Variants in GNG4 observed in about 807,000 individuals in gnomAD.
The protein encoded by GNG4 is guanine nucleotide-binding protein G(I)/G(S)/G(O) subunit gamma-4.
GNG4 carries 4 observed loss-of-function variants against 5.8 expected under a neutral mutation model. That is an observed-to-expected ratio of 0.69 (90% confidence interval 0.34 to 1.57). The LOEUF (loss-of-function observed/expected upper bound fraction) is 1.57, where lower values mean the gene tolerates loss of function less well. Among genes scored for constraint, GNG4 ranks in the 40% most tolerant of loss-of-function variants. GNG4 has a pLI of 0.06. For synonymous variants in GNG4, 29 were observed against 32.9 expected, an observed-to-expected ratio of 0.88 and a Z score of 0.41; for missense variants, 96 against 95.1, an observed-to-expected ratio of 1.01 and a Z score of -0.04.
At chr1:235,573,380 G>A (rs866666256) in intron 3 of GNG4, among the ~76,000 whole-genome samples, 1 of 151,340 alleles carries the variant, frequency 6.6e-6, no homozygotes, top group Non-Finnish European at 1.5e-5. Context: ...TGTAAATGAC[G>A]AGTTAATGGG....
intron 1 of GNG4, among the ~76,000 whole-genome samples, chr1:235,607,387 A>C (rs1688384758): frequency 6.6e-6 from 1 of 152,242 alleles, no homozygotes; most frequent in Admixed American, 6.5e-5. Flanking sequence ...CAGATGAGCT[A>C]TGGTGTCACC....
chr1:235,634,803 C>G lies in GNG4; in HGVS notation c.-123+14859G>C, dbSNP rs185455159. Among the ~76,000 whole-genome samples the G allele has an allele frequency of 2.4e-3, 358 of 152,026 alleles. 1 individual carries two copies. Among genetic ancestry groups the G allele is most frequent in the Non-Finnish European group, 4.0e-3 (272 of 67,978 alleles). The stretch of plus-strand genomic sequence containing the variant: ...ACTAAAAAATACAAAATTAGCCAGG[C>G]GTGGTGGTGCATGCCTCCTACTCGG... On this transcript the variant is annotated intron_variant, in intron 1 of 3. Transcript: ENST00000391854.
At chr1:235,570,605 C>T (rs1234135573) in intron 3 of GNG4, among the ~76,000 whole-genome samples, 2 of 151,936 alleles carry the variant, frequency 1.3e-5, no homozygotes, top group South Asian at 2.1e-4. Context: ...CTATGTTGGT[C>T]AGGCTGGTCT....
intron 1 of GNG4, among the ~76,000 whole-genome samples, chr1:235,604,953 A>T (rs1688328504): frequency 6.6e-6 from 1 of 152,178 alleles, no homozygotes; most frequent in Non-Finnish European, 1.5e-5. Flanking sequence ...TCTCAGGGTG[A>T]TGGGAGCATG....
chr1:235,608,349 G>A (rs891992939), intron 1 of GNG4, among the ~76,000 whole-genome samples: 5 of 152,170 alleles, frequency 3.3e-5, no homozygotes, highest in African/African-American at 1.2e-4. Flanking sequence ...AATTAAAAAA[G>A]TATTGAGGTT....
intron 2 of GNG4, among the ~76,000 whole-genome samples, chr1:235,587,238 AGGTG>A (rs1558485728): frequency 1.0e-3 from 117 of 115,710 alleles, no homozygotes; most frequent in East Asian, 1.6e-3. Flanking sequence ...TGAGTGTGTG[AGGTG>A]GGGTGTGTGT....
Position 235,548,607 on chromosome 1 carries a change from TG to T in GNG4, c.*3501del, listed in dbSNP as rs1686649528. 1 of 142,162 alleles carries T rather than the reference TG, an allele frequency of 7.0e-6. No individual in the cohort carries two copies. The highest frequency in any genetic ancestry group is 1.5e-5 in the Non-Finnish European group (1 of 64,928). The allele number at this position is 142,162 out of a possible 1,614,324, so 8.8% of individuals were successfully genotyped here. A position where few individuals can be genotyped will look rare whatever the true frequency, so the allele number is the denominator to read the frequency against. Reference sequence around the variant, plus strand: ...GTCAATGACCACTTCCCGACTGGTATGGGGCTGGAAGCGGGGTGTGCCTGAG... The same window carrying T: ...GTCAATGACCACTTCCCGACTGGTATGGGCTGGAAGCGGGGTGTGCCTGAG... On this transcript the variant is annotated 3_prime_UTR_variant, in exon 4 of 4. Transcript: ENST00000391854.
intron 3 of GNG4, among the ~76,000 whole-genome samples, chr1:235,579,232 C>G (rs530792795): frequency 1.8e-4 from 27 of 152,030 alleles, no homozygotes; most frequent in Admixed American, 1.2e-3. Flanking sequence ...GTTCTCACCA[C>G]AGAAAACTAA....
intron 1 of GNG4, among the ~76,000 whole-genome samples, chr1:235,620,613 G>A (rs991664578): frequency 6.6e-6 from 1 of 152,052 alleles, no homozygotes; most frequent in Non-Finnish European, 1.5e-5. Context: ...TCGGCTCACT[G>A]CAAGCTCCGC....
intron 2 of GNG4, among the ~76,000 whole-genome samples, chr1:235,586,379 CGT>C (rs141666278): frequency 2.3e-4 from 35 of 151,688 alleles, no homozygotes; most frequent in African/African-American, 5.6e-4. Flanking sequence ...GCCATCTCTC[CGT>C]GTGTGTGTGT....
chr1:235,567,096 A>C (rs1687215531), intron 3 of GNG4, among the ~76,000 whole-genome samples: 1 of 151,782 alleles, frequency 6.6e-6, no homozygotes, highest in Non-Finnish European at 1.5e-5. Context: ...TGTCCAGCTA[A>C]TTAAAAAAAA....
chr1:235,575,442 AT>A (rs1269396461), intron 3 of GNG4, among the ~76,000 whole-genome samples: 1 of 152,148 alleles, frequency 6.6e-6, no homozygotes, highest in Non-Finnish European at 1.5e-5. Context: ...ATCACCTGAA[AT>A]TCCTCTCTTC....
At chr1:235,571,424 G>T (rs547778249) in intron 3 of GNG4, among the ~76,000 whole-genome samples, 29 of 152,252 alleles carry the variant, frequency 1.9e-4, no homozygotes, top group African/African-American at 6.0e-4. Flanking sequence ...ACTGCTGTGA[G>T]AATTGAATGA....
chr1:235,627,867 G>T (rs1273270237), intron 1 of GNG4, among the ~76,000 whole-genome samples: 1 of 152,194 alleles, frequency 6.6e-6, no homozygotes, highest in Non-Finnish European at 1.5e-5. Flanking sequence ...TCAAGGAAGG[G>T]ATGGGTGTGA....
chr1:235,593,951 C>T (rs891625078), intron 2 of GNG4, among the ~76,000 whole-genome samples: 22 of 152,166 alleles, frequency 1.4e-4, no homozygotes, highest in East Asian at 1.9e-4. Flanking sequence ...CCAGCTGGCG[C>T]GGGCAGCCTG....
At chr1:235,610,954 G>A (rs1011485819) in intron 1 of GNG4, among the ~76,000 whole-genome samples, 1 of 152,158 alleles carries the variant, frequency 6.6e-6, no homozygotes, top group Non-Finnish European at 1.5e-5. Flanking sequence ...CAGGCGTGGT[G>A]GCCCATGCCT....
chr1:235,570,658 C>T (rs1322087021), intron 3 of GNG4, among the ~76,000 whole-genome samples: 1 of 151,684 alleles, frequency 6.6e-6, no homozygotes, highest in East Asian at 1.9e-4. Flanking sequence ...TCTCAGCCTC[C>T]CAAAGTGCTG....
intron 1 of GNG4, among the ~76,000 whole-genome samples, chr1:235,599,496 T>C (rs1460585830): frequency 6.6e-6 from 1 of 152,064 alleles, no homozygotes; most frequent in African/African-American, 2.4e-5. Flanking sequence ...TTTGCATTTT[T>C]AGTAGAGACG....
At chr1:235,597,717 C>G (rs1472376004) in intron 1 of GNG4, among the ~76,000 whole-genome samples, 1 of 150,890 alleles carries the variant, frequency 6.6e-6, no homozygotes, top group Non-Finnish European at 1.5e-5. Flanking sequence ...ACTCTACCTC[C>G]CAGATTCAAG....
Sources: gnomAD v4.1 joint callset for allele counts (sites outside exome capture counted in the v4.1 genomes callset) on GRCh38, gnomAD v4.1.1 for gene constraint, MANE v1.5 for transcripts, NCBI Gene and HGNC (gene_info 2026-07-23, HGNC 2026-07-21) for gene names.